ZNF782: variants seen among roughly 807,000 people sequenced by gnomAD.
ZNF782 encodes zinc finger protein 782.
ZNF782 carries 12 observed loss-of-function variants against 13.0 expected under a neutral mutation model. That is an observed-to-expected ratio of 0.92 (90% confidence interval 0.59 to 1.50). The LOEUF (loss-of-function observed/expected upper bound fraction) is 1.50, where lower values mean the gene tolerates loss of function less well. ZNF782 is among the 40% of genes most tolerant of loss of function. The probability of loss-of-function intolerance (pLI) is 0.00; values close to 1 mark genes in which losing one functional copy is unlikely to be tolerated. For synonymous variants in ZNF782, 284 were observed against 283.0 expected (o/e 1.00, Z -0.04); for missense variants, 770 against 822.9 (o/e 0.94, Z 0.79).
intron 5 of ZNF782, 64 bp downstream of exon 5, chr9:96,827,016 C>T (rs1850644825): frequency 9.4e-7 from 1 of 1,063,992 alleles, no homozygotes; most frequent in Non-Finnish European, 1.4e-6. Context: ...TGACTATACG[C>T]TGAGTTGTGT....
the ZNF782 span, among the ~76,000 whole-genome samples, chr9:96,920,698 A>G: frequency 6.7e-6 from 1 of 148,934 alleles, no homozygotes; most frequent in African/African-American, 2.5e-5. Context: ...AGGCGGATCC[A>G]GGGTCAGGAG....
the ZNF782 span, chr9:96,887,681 G>A: frequency 2.6e-5 from 4 of 152,192 alleles, no homozygotes; most frequent in South Asian, 8.3e-4. Flanking sequence ...TATACCCAAA[G>A]GATTATAAAT....
upstream of ZNF782, among the ~76,000 whole-genome samples, chr9:96,876,140 A>G (rs1158319077): frequency 6.6e-6 from 1 of 152,222 alleles, no homozygotes; most frequent in Non-Finnish European, 1.5e-5. Context: ...CCGATTGGAA[A>G]AAACAGCTGC....
the ZNF782 span, among the ~76,000 whole-genome samples, chr9:96,925,327 G>C: frequency 6.6e-6 from 1 of 151,774 alleles, no homozygotes; most frequent in African/African-American, 2.4e-5. Context: ...GAGCCTCCAA[G>C]ACCGTCCCTC....
intron 5 of ZNF782, among the ~76,000 whole-genome samples, chr9:96,823,961 A>G (rs1437674491): frequency 6.6e-6 from 1 of 152,220 alleles, no homozygotes; most frequent in Non-Finnish European, 1.5e-5. Context: ...TCACAGCCGA[A>G]TTCTACCAGA....
Position 96,818,828 on chromosome 9 carries a change from A to C in ZNF782, c.1195T>G (p.Cys399Gly). Residue 399 changes from cysteine to glycine, a missense_variant, in exon 6 of 6, where the codon TGC becomes GGC. By Grantham distance (159) the Cys-to-Gly change is radical (BLOSUM62 -3). Transcript: ENST00000481138. ...GACTTCTCACTGAAGGCTTTCCCGC[A>C]CTCAGGACATTCATAGGGTTTCTCC... ...TGEKPYECPE[C>G]GKAFSEKSRL... is the part of the protein sequence containing the mutation. The C allele has an allele frequency of 6.2e-7, 1 of 1,614,064 alleles. No homozygotes were observed. Among genetic ancestry groups the C allele is most frequent in the Non-Finnish European group, 8.5e-7 (1 of 1,180,008 alleles).
intron 3 of ZNF782, 64 bp from the exon 4 acceptor site, chr9:96,845,080 A>C (rs1851308951): frequency 1.3e-6 from 2 of 1,591,378 alleles, no homozygotes; most frequent in Admixed American, 3.4e-5. Context: ...ACGTTTTCGG[A>C]AACTAACTCA....
the ZNF782 span, among the ~76,000 whole-genome samples, chr9:96,921,631 C>T: frequency 2.4e-3 from 354 of 150,208 alleles, 4 homozygotes; most frequent in African/African-American, 8.2e-3. Context: ...GAGGCCAAGG[C>T]GGGCAGATCA....
chr9:96,883,351 CA>C, the ZNF782 span, among the ~76,000 whole-genome samples: 99 of 152,146 alleles, frequency 6.5e-4, 1 homozygote, highest in African/African-American at 2.4e-3. Context: ...CAGTAGGGCT[CA>C]AGGGGCTTGT....
intron 2 of ZNF782, 81 bp from the exon 3 acceptor site, chr9:96,852,086 C>A: frequency 1.1e-6 from 1 of 898,140 alleles, no homozygotes. Context: ...CTCAGCAACC[C>A]AGTTGGAGAG....
upstream of ZNF782, among the ~76,000 whole-genome samples, chr9:96,876,455 A>C (rs1851893301): frequency 6.6e-6 from 1 of 152,182 alleles, no homozygotes; most frequent in Admixed American, 6.5e-5. Flanking sequence ...AACATTTTTC[A>C]ATACAAAGGA....
chr9:96,911,795 C>T, the ZNF782 span, among the ~76,000 whole-genome samples: 1 of 151,890 alleles, frequency 6.6e-6, no homozygotes, highest in Admixed American at 6.6e-5. Flanking sequence ...GCTGGGATTA[C>T]AGGTGTGACC....
chr9:96,877,323 A>AC (rs1334754766), upstream of ZNF782, among the ~76,000 whole-genome samples: 1 of 152,060 alleles, frequency 6.6e-6, no homozygotes, highest in Non-Finnish European at 1.5e-5. Context: ...GCGAAGGAAC[A>AC]CCCCCAGATG....
chr9:96,921,268 C>T, the ZNF782 span, among the ~76,000 whole-genome samples: 2 of 148,604 alleles, frequency 1.3e-5, no homozygotes, highest in African/African-American at 4.9e-5. Flanking sequence ...TGGTGGCTCA[C>T]GCCTGTATGT....
At chr9:96,914,069 A>G in the ZNF782 span, among the ~76,000 whole-genome samples, 1 of 151,742 alleles carries the variant, frequency 6.6e-6, no homozygotes, top group Non-Finnish European at 1.5e-5. Flanking sequence ...TTAGGGGACG[A>G]GTAATAAAAT....
At chr9:96,875,749 A>G, upstream of ZNF782, 1 of 369,648 alleles carries the variant, frequency 2.7e-6, no homozygotes, top group East Asian at 7.3e-5. Context: ...CCCCATTCTC[A>G]CTAGAAGTTG....
In ZNF782 at chr9:96,818,466, T is replaced by G; in HGVS notation, c.1557A>C (p.Ser519=). 6.2e-7 allele frequency: 1 copy of G among 1,614,178 alleles called. No individual in the cohort carries two copies. Among genetic ancestry groups the G allele is most frequent in the South Asian group, 1.1e-5 (1 of 91,088 alleles). ...GTGTTCTATGATGTTTCCTCAGGCC[T>G]GACTTCAGTTTGAAAGCTTTCCCAC... ...DECGKAFKLK[S]GLRKHHRTHT... is the part of the protein sequence containing the mutation. The change falls in exon 6 of 6, where the codon TCA becomes TCC. Residue 519 remains serine (S), a synonymous_variant. Coordinates refer to ENST00000481138, the MANE Select transcript of ZNF782 (RefSeq NM_001001662.3).
rs1020143698 is a variant in ZNF782, at chr9:96,819,582, C to A, written c.441G>T (p.Gly147=). 3 of 1,613,688 alleles carry A rather than the reference C, an allele frequency of 1.9e-6. No individual in the cohort carries two copies. The highest frequency in any genetic ancestry group is 3.3e-5 in the Admixed American group (2 of 59,940). Residue 147 remains glycine (G), a synonymous_variant, in exon 6 of 6, where the codon GGG becomes GGT. Transcript: ENST00000481138. ...GACAGTGTGGGGCCATCAGGCTGAG[C>A]CCCTGGCAAGCAGACCCCGCAATGT... ...KCDIAGSACQ[G]LSLMAPHCQY...
At chr9:96,887,338 GAAGA>G in the ZNF782 span, 483 of 128,192 alleles carry the variant, frequency 3.8e-3, no homozygotes, top group East Asian at 0.037. Context: ...AGGAAGGAAG[GAAGA>G]AAGAAAGAAA....
Sources: gnomAD v4.1 joint callset for allele counts (sites outside exome capture counted in the v4.1 genomes callset) on GRCh38, gnomAD v4.1.1 for gene constraint, MANE v1.5 for transcripts, NCBI Gene and HGNC (gene_info 2026-07-23, HGNC 2026-07-21) for gene names.